DPH6: variants seen among roughly 807,000 people sequenced by gnomAD.
DPH6 encodes the protein diphthamine biosynthesis 6.
DPH6 carries 33 observed loss-of-function variants against 38.2 expected under a neutral mutation model. The ratio of observed to expected loss-of-function variants is 0.86; its 90% CI spans 0.65 to 1.15. The LOEUF (loss-of-function observed/expected upper bound fraction) is 1.15. DPH6 is among the 50% of genes most tolerant of loss of function. DPH6 has a pLI of 0.00. For synonymous variants in DPH6, 108 were observed against 103.0 expected (o/e 1.05, Z -0.30); for missense variants, 325 against 320.0 (o/e 1.02, Z -0.12).
chr15:35,493,395 G>T (rs1005718186), intron 3 of DPH6, among the ~76,000 whole-genome samples: 3 of 152,084 alleles, frequency 2.0e-5, no homozygotes, highest in African/African-American at 7.2e-5. Flanking sequence ...AGAGCAGAAA[G>T]CAGTAGTTAA....
intron 3 of DPH6, among the ~76,000 whole-genome samples, chr15:35,474,171 A>C (rs760352900): frequency 3.7e-4 from 56 of 152,084 alleles, no homozygotes; most frequent in Non-Finnish European, 5.9e-4. Context: ...AATCCTCTAA[A>C]TCTTTGCCCT....
chr15:35,472,439 A>G (rs2054210042), intron 3 of DPH6, among the ~76,000 whole-genome samples: 1 of 152,142 alleles, frequency 6.6e-6, no homozygotes, highest in African/African-American at 2.4e-5. Context: ...AGGCAGAGAG[A>G]GAGGGAAGAA....
Position 35,388,772 on chromosome 15 carries a change from T to C in DPH6, c.568-6856A>G, listed in dbSNP as rs1229165558. On this transcript the variant is annotated intron_variant, in intron 6 of 8. Coordinates refer to ENST00000256538, the MANE Select transcript of DPH6 (RefSeq NM_080650.4). Reference sequence around the variant, plus strand: ...TCTTGCTAGCAGTCTATCAATTTTGTTGATCTTTTCAAAAAACCAGCTCCT... The same window carrying C: ...TCTTGCTAGCAGTCTATCAATTTTGCTGATCTTTTCAAAAAACCAGCTCCT... Among the ~76,000 whole-genome samples the C allele has an allele frequency of 1.7e-4, 26 of 152,334 alleles. No individual in the cohort carries two copies. The East Asian group carries it at 4.6e-3, about 27-fold the overall frequency.
At chr15:35,543,142 G>T (rs891673361) in intron 1 of DPH6, among the ~76,000 whole-genome samples, 2 of 146,856 alleles carry the variant, frequency 1.4e-5, no homozygotes, top group African/African-American at 5.0e-5. Context: ...ACACTTGGTG[G>T]GTTCAAATTC....
intron 5 of DPH6, among the ~76,000 whole-genome samples, chr15:35,418,610 A>T (rs1016365128): frequency 1.3e-5 from 2 of 152,138 alleles, no homozygotes; most frequent in Admixed American, 6.5e-5. Flanking sequence ...GGAAGCAATT[A>T]CAATTCAATT....
At chr15:35,295,690 A>C (rs1395157039) in intron 3 of DPH6, among the ~76,000 whole-genome samples, 1 of 152,166 alleles carries the variant, frequency 6.6e-6, no homozygotes, top group East Asian at 1.9e-4. Flanking sequence ...TGGTCACAAG[A>C]GCTGTTTTCA....
intron 7 of DPH6, among the ~76,000 whole-genome samples, chr15:35,379,196 T>G (rs1236547959): frequency 6.6e-6 from 1 of 152,208 alleles, no homozygotes; most frequent in Non-Finnish European, 1.5e-5. Flanking sequence ...CATGATTACA[T>G]TGGCCCACAT....
intron 3 of DPH6, among the ~76,000 whole-genome samples, chr15:35,463,278 G>GT (rs1227065925): frequency 6.6e-6 from 1 of 151,962 alleles, no homozygotes; most frequent in Non-Finnish European, 1.5e-5. Context: ...TTTGTAGTAT[G>GT]TATCATGAAC....
chr15:35,524,707 T>C (rs1219358732), intron 3 of DPH6, among the ~76,000 whole-genome samples: 2 of 152,192 alleles, frequency 1.3e-5, no homozygotes, highest in Admixed American at 6.5e-5. Flanking sequence ...ATAGAGCTTA[T>C]AGCAGTTATC....
chr15:35,251,975 CTAAAAATA>C (rs1290618378), intron 3 of DPH6, among the ~76,000 whole-genome samples: 1 of 152,102 alleles, frequency 6.6e-6, no homozygotes, highest in Non-Finnish European at 1.5e-5. Context: ...CCCATCTCTA[CTAAAAATA>C]TAAAAATTAG....
intron 3 of DPH6, among the ~76,000 whole-genome samples, chr15:35,268,163 C>A (rs2051795520): frequency 6.8e-6 from 1 of 146,006 alleles, no homozygotes; most frequent in Non-Finnish European, 1.5e-5. Context: ...GAGCGAGACT[C>A]TGTCTCAAAA....
intron 3 of DPH6, among the ~76,000 whole-genome samples, chr15:35,314,519 G>A (rs1249917558): frequency 6.6e-6 from 1 of 152,166 alleles, no homozygotes; most frequent in African/African-American, 2.4e-5. Context: ...GCTAACAAAT[G>A]TCCAGTGCAG....
At chr15:35,429,168 G>A (rs1242407994) in intron 5 of DPH6, among the ~76,000 whole-genome samples, 1 of 152,064 alleles carries the variant, frequency 6.6e-6, no homozygotes, top group Non-Finnish European at 1.5e-5. Context: ...TCTGTTAATA[G>A]AACCCCTTAG....
intron 6 of DPH6, chr15:35,401,777 A>T: frequency 4.6e-6 from 3 of 649,794 alleles, no homozygotes; most frequent in Non-Finnish European, 8.6e-6. Context: ...AATTACTGCC[A>T]GGAAACAAAG....
chr15:35,401,864 C>T (rs1279350607), intron 6 of DPH6: 1 of 496,294 alleles, frequency 2.0e-6, no homozygotes, highest in Admixed American at 2.5e-5. Context: ...CAGTCAAGCA[C>T]AGTGGTGGCA....
At chr15:35,499,341 T>G (rs182179686) in intron 3 of DPH6, among the ~76,000 whole-genome samples, 3 of 152,272 alleles carry the variant, frequency 2.0e-5, no homozygotes, top group Non-Finnish European at 4.4e-5. Flanking sequence ...CAGGTTCTTT[T>G]TCTGATGATT....
At position 35,463,042 on chromosome 15, in the gene DPH6, A is replaced by C. The variant is rs116626762; in HGVS notation, c.313-8222T>G. Among the ~76,000 whole-genome samples, 1,363 of 152,298 alleles carry C rather than the reference A, an allele frequency of 8.9e-3. 22 individuals carry two copies. The highest frequency in any genetic ancestry group is 0.031 in the African/African-American group (1,304 of 41,552). ...AAATGAGGAAAGGATATTAATAGGT[A>C]ATTTTTAAGAGAATACAAATAACTA... On this transcript the variant is annotated intron_variant, in intron 3 of 8. Coordinates refer to ENST00000256538, the MANE Select transcript of DPH6 (RefSeq NM_080650.4).
At chr15:35,474,269 A>G (rs1343528183) in intron 3 of DPH6, among the ~76,000 whole-genome samples, 1 of 152,132 alleles carries the variant, frequency 6.6e-6, no homozygotes, top group Non-Finnish European at 1.5e-5. Context: ...GAAAAATTCT[A>G]ATTAGCTCTG....
At chr15:35,529,131 C>T (rs1192220753) in intron 3 of DPH6, among the ~76,000 whole-genome samples, 1 of 152,142 alleles carries the variant, frequency 6.6e-6, no homozygotes, top group Admixed American at 6.6e-5. Flanking sequence ...AAATAATCTT[C>T]AAGGATATTG....
Sources: gnomAD v4.1 joint callset for allele counts (sites outside exome capture counted in the v4.1 genomes callset) on GRCh38, gnomAD v4.1.1 for gene constraint, MANE v1.5 for transcripts, NCBI Gene and HGNC (gene_info 2026-07-23, HGNC 2026-07-21) for gene names.